Variants in PTGR2 observed in about 807,000 individuals in gnomAD.
The protein encoded by PTGR2 is 15-oxoprostaglandin 13-reductase.
PTGR2 carries 32 observed loss-of-function variants against 43.4 expected under a neutral mutation model. That is an observed-to-expected ratio of 0.74 (90% confidence interval 0.56 to 0.99). The LOEUF (loss-of-function observed/expected upper bound fraction) is 0.99. Among genes scored for constraint, PTGR2 ranks in the 50% least tolerant of loss-of-function variants. The pLI is 0.00. For missense variants in PTGR2, 373 were observed against 420.0 expected (o/e 0.89, Z 0.98); for synonymous variants, 106 against 139.2 (o/e 0.76, Z 1.68).
At chr14:73,874,909 C>G (rs2140265633) in intron 4 of PTGR2, among the ~76,000 whole-genome samples, 1 of 152,296 alleles carries the variant, frequency 6.6e-6, no homozygotes, top group East Asian at 1.9e-4. Flanking sequence ...CACTCTGTCA[C>G]CCAGGCTGGA....
chr14:73,869,818 G>C (rs2054684932), intron 3 of PTGR2, among the ~76,000 whole-genome samples: 2 of 152,058 alleles, frequency 1.3e-5, no homozygotes, highest in Admixed American at 1.3e-4. Flanking sequence ...TTGAGGTCAG[G>C]AGTTTGAGAC....
At chr14:73,868,297 AAAG>A (rs1164096415) in intron 3 of PTGR2, among the ~76,000 whole-genome samples, 1 of 152,042 alleles carries the variant, frequency 6.6e-6, no homozygotes, top group East Asian at 1.9e-4. Flanking sequence ...TCAAAAAAAA[AAAG>A]AAGCTACATA....
chr14:73,876,483 C>CTTT (rs766810794), intron 4 of PTGR2, among the ~76,000 whole-genome samples: 2 of 108,564 alleles, frequency 1.8e-5, no homozygotes, highest in African/African-American at 6.7e-5. Flanking sequence ...GACATAAGTC[C>CTTT]TTTTTTTTTT....
chr14:73,868,857 T>G (rs1290520948), intron 3 of PTGR2, among the ~76,000 whole-genome samples: 1 of 152,140 alleles, frequency 6.6e-6, no homozygotes, highest in African/African-American at 2.4e-5. Flanking sequence ...ACTCTTGTGC[T>G]TCCCCATGCG....
chr14:73,870,947 C>T (rs1003779461), intron 3 of PTGR2, among the ~76,000 whole-genome samples: 1 of 152,200 alleles, frequency 6.6e-6, no homozygotes, highest in Non-Finnish European at 1.5e-5. Flanking sequence ...TGCTGGCACA[C>T]AATTCCTAAA....
intron 3 of PTGR2, 28 bp downstream of exon 3, chr14:73,860,685 G>T: frequency 9.8e-7 from 1 of 1,017,574 alleles, no homozygotes; most frequent in South Asian, 1.4e-5. Flanking sequence ...GTAACTTGGT[G>T]AAAAATAACT....
chr14:73,875,333 G>C (rs2054833974), intron 4 of PTGR2, among the ~76,000 whole-genome samples: 1 of 151,484 alleles, frequency 6.6e-6, no homozygotes. Flanking sequence ...AATGAGAACT[G>C]TTGGAGTTTG....
rs146541814 is a variant in PTGR2, at chr14:73,874,984, G to A, written c.348+770G>A. Among the ~76,000 whole-genome samples the A allele has an allele frequency of 8.5e-3, 1,287 of 152,078 alleles. 10 individuals carry two copies. The highest frequency in any genetic ancestry group is 0.03 in the African/African-American group (1,228 of 41,452). On this transcript the variant is annotated intron_variant, in intron 4 of 9. Coordinates refer to ENST00000555661, the MANE Select transcript of PTGR2 (RefSeq NM_001146154.2). ...AGTGATCTTCCCACCTCAGTCTCCC[G>A]AGTAGCTGGGATTATAGGTGTGCAC... is the stretch of plus-strand genomic sequence containing the variant.
rs1334834494 is a variant in PTGR2, at chr14:73,873,880, G to GT, written c.157-140dup. On this transcript the variant is annotated intron_variant, in intron 3 of 9. Transcript: ENST00000555661. ...GTCACTATGTTGTTTCAGGTCTTATGTTTAAGTCTTGAATGTATTTTGAGT... is the reference window on the plus strand; with the variant it reads ...GTCACTATGTTGTTTCAGGTCTTATGTTTTAAGTCTTGAATGTATTTTGAGT... 5.9e-5 allele frequency: 34 copies of GT among 577,760 alleles called. No homozygotes were observed. The East Asian group carries it at 1.0e-3, about 18-fold the overall frequency. The allele number at this position is 577,760 out of a possible 1,614,324, so 35.8% of individuals were successfully genotyped here.
chr14:73,865,825 T>G (rs2054585994), intron 3 of PTGR2, among the ~76,000 whole-genome samples: 1 of 152,122 alleles, frequency 6.6e-6, no homozygotes, highest in Admixed American at 6.6e-5. Flanking sequence ...TCTTTCCTCA[T>G]TGGTTTGTCT....
chr14:73,870,377 G>T (rs1968102), intron 3 of PTGR2, among the ~76,000 whole-genome samples: 72,832 of 151,392 alleles, frequency 0.48, 17,868 homozygotes, highest in South Asian at 0.61. Context: ...ATGGGGTTTC[G>T]CCATGTTGGC....
intron 3 of PTGR2, among the ~76,000 whole-genome samples, chr14:73,871,583 AGGG>A (rs2054735155): frequency 2.0e-5 from 3 of 151,894 alleles, no homozygotes; most frequent in Non-Finnish European, 4.4e-5. Context: ...ACCATAACCT[AGGG>A]CTTGAGATTG....
chr14:73,855,645 C>A (rs2054328234), intron 1 of PTGR2, among the ~76,000 whole-genome samples: 1 of 151,692 alleles, frequency 6.6e-6, no homozygotes, highest in African/African-American at 2.4e-5. Context: ...AGGGTTTCAC[C>A]ATGTTGGTCA....
intron 4 of PTGR2, among the ~76,000 whole-genome samples, chr14:73,876,268 C>G (rs1363512916): frequency 6.6e-6 from 1 of 152,102 alleles, no homozygotes; most frequent in Admixed American, 6.5e-5. Flanking sequence ...TAACAGAGTA[C>G]TACAGGCTGG....
chr14:73,856,486 G>A (rs1457088891), intron 1 of PTGR2, among the ~76,000 whole-genome samples: 1 of 151,968 alleles, frequency 6.6e-6, no homozygotes, highest in Non-Finnish European at 1.5e-5. Flanking sequence ...CCTGACCTCA[G>A]GTGATCTGCC....
In PTGR2 at chr14:73,877,037, C is replaced by A. The variant is rs528458033; in HGVS notation, c.388C>A (p.Leu130Ile). ...QLVDGHLSYF[L>I]GAIGMPGLTS... is the part of the protein sequence containing the mutation. ...TGTGGATGGACACCTTTCATATTTT[C>A]TTGGAGCTATAGGTATGCCTGGTTT... The change falls in exon 5 of 10, where the codon CTT becomes ATT. Residue 130 changes from leucine (L) to isoleucine (I), a missense_variant. Physicochemically the swap from Leu to Ile is conservative, Grantham distance 5. Coordinates refer to ENST00000555661, the MANE Select transcript of PTGR2 (RefSeq NM_001146154.2). The A allele has an allele frequency of 2.5e-6, 4 of 1,613,618 alleles. No homozygotes were observed. The Admixed American group carries it at 6.7e-5, about 27-fold the overall frequency.
chr14:73,882,864 A>AGG (rs945211172), intron 9 of PTGR2, among the ~76,000 whole-genome samples: 1 of 112,548 alleles, frequency 8.9e-6, no homozygotes, highest in Non-Finnish European at 1.6e-5. Flanking sequence ...TCTGTCTCCC[A>AGG]GGCTGGAGTG....
intron 2 of PTGR2, among the ~76,000 whole-genome samples, chr14:73,859,860 T>C (rs1158267913): frequency 6.8e-6 from 1 of 147,842 alleles, no homozygotes; most frequent in Non-Finnish European, 1.5e-5. Flanking sequence ...GATTTACTTG[T>C]GCCTGTTTTT....
At chr14:73,855,018 AAG>A (rs2054312335) in intron 1 of PTGR2, among the ~76,000 whole-genome samples, 1 of 152,206 alleles carries the variant, frequency 6.6e-6, no homozygotes, top group Non-Finnish European at 1.5e-5. Flanking sequence ...GAAGCAATCA[AAG>A]AACATTCTAC....
Sources: allele counts gnomAD v4.1 joint callset (sites outside exome capture counted in the v4.1 genomes callset), GRCh38; gene constraint gnomAD v4.1.1; transcripts MANE v1.5; gene names NCBI Gene and HGNC (gene_info 2026-07-23, HGNC 2026-07-21).